The following INVS variants were observed in gnomAD, a reference collection of about 807,000 sequenced individuals.
INVS encodes the protein inversion of embryo turning homolog.
A neutral mutation model predicts 108.8 loss-of-function variants in INVS; 86 were observed. That is an observed-to-expected ratio of 0.79 (90% CI 0.66 to 0.95). INVS has a LOEUF of 0.95. Among genes scored for constraint, INVS ranks in the 40% least tolerant of loss-of-function variants. The pLI is 0.00. For missense variants in INVS, 1,169 were observed against 1,297.4 expected (o/e 0.90, Z 1.52); for synonymous variants, 455 against 473.5 (o/e 0.96, Z 0.51).
chr9:100,195,605 A>G (rs994638074), intron 3 of INVS, among the ~76,000 whole-genome samples: 2 of 152,142 alleles, frequency 1.3e-5, no homozygotes, highest in African/African-American at 4.8e-5. Flanking sequence ...CTCCTGGCTC[A>G]GCCTCCTGAG....
At chr9:100,102,500 A>G (rs903396136) in intron 1 of INVS, 2 of 152,232 alleles carry the variant, frequency 1.3e-5, no homozygotes, top group African/African-American at 4.8e-5. Context: ...GAACAAATAA[A>G]AATTTCACTT....
chr9:100,300,178 T>C (rs188909209), intron 16 of INVS, among the ~76,000 whole-genome samples: 64 of 152,340 alleles, frequency 4.2e-4, no homozygotes, highest in Admixed American at 1.2e-3. Context: ...GATCTGAATA[T>C]TTTCTAACAA....
At chr9:100,166,944 T>G (rs1829382346) in intron 3 of INVS, among the ~76,000 whole-genome samples, 1 of 152,166 alleles carries the variant, frequency 6.6e-6, no homozygotes, top group Non-Finnish European at 1.5e-5. Flanking sequence ...TCCAGACCCT[T>G]TAAAGGATTT....
intron 3 of INVS, among the ~76,000 whole-genome samples, chr9:100,190,655 G>T (rs1366532626): frequency 6.6e-6 from 1 of 152,096 alleles, no homozygotes; most frequent in Non-Finnish European, 1.5e-5. Context: ...ATTCTTGGCT[G>T]ACAATTATTC....
chr9:100,168,982 A>G (rs369340209), intron 3 of INVS, among the ~76,000 whole-genome samples: 8 of 152,340 alleles, frequency 5.3e-5, no homozygotes, highest in South Asian at 2.1e-4. Context: ...GAGAAATTGC[A>G]TAAGTTGTCA....
chr9:100,131,899 G>A lies in INVS; in HGVS notation c.273+5350G>A, dbSNP rs1393116385. ...CAAGGTACGCTGTTTCCATGTTACT[G>A]ATTTACAAAAAGGAGAAAGAATACC... On this transcript the variant is annotated intron_variant, in intron 3 of 16. Coordinates refer to ENST00000262457, the MANE Select transcript of INVS (RefSeq NM_014425.5). 6.1e-6 allele frequency: 6 copies of A among 980,306 alleles called. No individual in the cohort carries two copies. The African/African-American group carries it at 1.1e-4, about 17-fold the overall frequency. The allele number at this position is 980,306 out of a possible 1,614,324, so 60.7% of individuals were successfully genotyped here.
chr9:100,250,953 ACACAGTCGTTCCTGTCCTGTACTAACTCT>A lies in INVS; in HGVS notation c.1079-1329_1079-1301del, dbSNP rs559059654. Among the ~76,000 whole-genome samples, 113 of 152,310 alleles carry A rather than the reference ACACAGTCGTTCCTGTCCTGTACTAACTCT, an allele frequency of 7.4e-4. 1 individual carries two copies. The highest frequency in any genetic ancestry group is 2.7e-3 in the Admixed American group (42 of 15,294). On this transcript the variant is annotated intron_variant, in intron 8 of 16. Transcript: ENST00000262457. ...CAACTACCCTTCCTTCCTTAAACAT[ACACAGTCGTTCCTGTCCTGTACTAACTCT>A]TCCCTTTGCTCAAAATACGCTGTCT...
At chr9:100,140,682 A>AG (rs1828397395) in intron 3 of INVS, among the ~76,000 whole-genome samples, 1 of 152,094 alleles carries the variant, frequency 6.6e-6, no homozygotes, top group African/African-American at 2.4e-5. Context: ...ACGGAGAGAT[A>AG]ATGGGCGATG....
chr9:100,223,043 G>C, intron 3 of INVS, among the ~76,000 whole-genome samples: 1 of 151,782 alleles, frequency 6.6e-6, no homozygotes, highest in Middle Eastern at 3.4e-3. Context: ...TAACTGTTAT[G>C]ATCTAATATA....
intron 2 of INVS, chr9:100,117,023 A>G (rs1197769827): frequency 1.4e-6 from 2 of 1,435,578 alleles, no homozygotes; most frequent in East Asian, 2.3e-5. Flanking sequence ...CGCCGAGACA[A>G]TGCCAGTGCC....
chr9:100,226,375 G>GT, intron 4 of INVS, 140 bp downstream of exon 4: 4 of 683,086 alleles, frequency 5.9e-6, no homozygotes, highest in Non-Finnish European at 4.9e-6. Context: ...ACATCTCAGG[G>GT]AAGTATTTCA....
intron 2 of INVS, among the ~76,000 whole-genome samples, chr9:100,125,575 A>T (rs2118892546): frequency 6.6e-6 from 1 of 150,798 alleles, no homozygotes. Flanking sequence ...CCTGTCATTT[A>T]TTTTGCCTTT....
chr9:100,278,934 G>C (rs1220306362), intron 12 of INVS, among the ~76,000 whole-genome samples: 1 of 152,076 alleles, frequency 6.6e-6, no homozygotes, highest in Non-Finnish European at 1.5e-5. Context: ...AAGAGCAAAG[G>C]GGCTCACCGC....
intron 4 of INVS, among the ~76,000 whole-genome samples, chr9:100,226,811 A>C (rs1309566030): frequency 2.4e-5 from 1 of 41,498 alleles, no homozygotes; most frequent in African/African-American, 1.1e-4. Context: ...AGACTGTCTC[A>C]AAAAAAAAAA....
intron 4 of INVS, among the ~76,000 whole-genome samples, chr9:100,228,109 G>C (rs1324051846): frequency 6.7e-6 from 1 of 150,194 alleles, no homozygotes; most frequent in African/African-American, 2.5e-5. Context: ...TCATGCTTCA[G>C]CCTCCCAAGT....
chr9:100,109,727 G>A (rs546917150), intron 2 of INVS, among the ~76,000 whole-genome samples: 1 of 152,132 alleles, frequency 6.6e-6, no homozygotes, highest in Non-Finnish European at 1.5e-5. Context: ...GTGCAATGGC[G>A]TGATCTCGGC....
At chr9:100,107,086 A>G (rs1827204107) in intron 2 of INVS, among the ~76,000 whole-genome samples, 1 of 152,174 alleles carries the variant, frequency 6.6e-6, no homozygotes, top group South Asian at 2.1e-4. Context: ...ATACTTTCTT[A>G]TTTTGAAGTA....
Position 100,253,271 on chromosome 9 carries a change from T to C in INVS, c.1464+135T>C, listed in dbSNP as rs533709273. ...AAATCCATCTGTTAATCATGACTAT[T>C]ATTTGTCCATGTTCTCTTCCAGTCT... On this transcript the variant is annotated intron_variant, in intron 10 of 16. Transcript: ENST00000262457. 2.0e-5 allele frequency: 14 copies of C among 688,100 alleles called. No individual in the cohort carries two copies. In the East Asian group the frequency reaches 2.7e-4, roughly 13 times the overall value. 42.6% of individuals were successfully genotyped at this position (688,100 alleles called of 1,614,324 possible).
Position 100,180,716 on chromosome 9 carries a change from A to G in INVS, c.274-45346A>G, listed in dbSNP as rs575906838. 1.1e-4 allele frequency among the ~76,000 whole-genome samples: 17 copies of G among 152,314 alleles called. No homozygotes were observed. In the South Asian group the frequency reaches 3.3e-3, roughly 30 times the overall value. On this transcript the variant is annotated intron_variant, in intron 3 of 16. Transcript: ENST00000262457. ...ACCAGAGGTACAGAAAGGAGCTGGT[A>G]CCATTCCTTCTGAAACCATTCCAAT... is the stretch of plus-strand genomic sequence containing the variant.
Sources: allele counts gnomAD v4.1 joint callset (sites outside exome capture counted in the v4.1 genomes callset), GRCh38; gene constraint gnomAD v4.1.1; transcripts MANE v1.5; gene names NCBI Gene and HGNC (gene_info 2026-07-23, HGNC 2026-07-21).